SCNN1B: variants seen among roughly 807,000 people sequenced by gnomAD.
SCNN1B encodes sodium channel epithelial 1 subunit beta, also known as epithelial sodium channel subunit beta.
A neutral mutation model predicts 65.3 loss-of-function variants in SCNN1B; 46 were observed. The ratio of observed to expected loss-of-function variants is 0.70; its 90% CI spans 0.56 to 0.90. The LOEUF (loss-of-function observed/expected upper bound fraction) is 0.90, where lower values mean the gene tolerates loss of function less well. SCNN1B is among the 40% of genes least tolerant of loss of function. The pLI is 0.00. For missense variants in SCNN1B, 751 were observed against 830.5 expected (o/e 0.90, Z 1.18); for synonymous variants, 349 against 330.6 (o/e 1.06, Z -0.60).
intron 4 of SCNN1B, among the ~76,000 whole-genome samples, chr16:23,365,014 T>C (rs1347853636): frequency 6.6e-6 from 1 of 151,924 alleles, no homozygotes; most frequent in East Asian, 1.9e-4. Flanking sequence ...TAATCCCAGC[T>C]ACTCGGGAGG....
intron 1 of SCNN1B, among the ~76,000 whole-genome samples, chr16:23,335,020 C>T (rs528006795): frequency 5.3e-5 from 8 of 152,278 alleles, no homozygotes; most frequent in Non-Finnish European, 8.8e-5. Flanking sequence ...ATTTTAATTG[C>T]TCTTTTCAAT....
chr16:23,289,528 G>C (rs911941587), intron 2 of SCNN1B, among the ~76,000 whole-genome samples: 1 of 151,556 alleles, frequency 6.6e-6, no homozygotes. Context: ...TCTAGCCTTA[G>C]TGACAGCTTG....
intron 4 of SCNN1B, among the ~76,000 whole-genome samples, chr16:23,361,041 G>A (rs138398812): frequency 8.6e-4 from 131 of 152,102 alleles, no homozygotes; most frequent in African/African-American, 2.9e-3. Flanking sequence ...TGATCCACCC[G>A]CCTCAGCCTT....
At chr16:23,372,521 G>A (rs543451403) in intron 7 of SCNN1B, among the ~76,000 whole-genome samples, 5 of 147,370 alleles carry the variant, frequency 3.4e-5, no homozygotes, top group African/African-American at 1.3e-4. Flanking sequence ...TTGAGATGGA[G>A]TCTCACTCTG....
upstream of SCNN1B, among the ~76,000 whole-genome samples, chr16:23,300,759 G>T (rs1961064011): frequency 6.6e-6 from 1 of 152,126 alleles, no homozygotes; most frequent in Non-Finnish European, 1.5e-5. Flanking sequence ...TTGAGCCCAA[G>T]AGTTTGAGGC....
intron 2 of SCNN1B, among the ~76,000 whole-genome samples, chr16:23,295,114 C>T (rs1231221657): frequency 6.6e-6 from 1 of 152,200 alleles, no homozygotes; most frequent in Non-Finnish European, 1.5e-5. Context: ...TTGTCTGTCT[C>T]CTCTCACTAG....
At chr16:23,284,914 T>C (rs1960829724) in intron 2 of SCNN1B, among the ~76,000 whole-genome samples, 1 of 152,198 alleles carries the variant, frequency 6.6e-6, no homozygotes, top group Admixed American at 6.5e-5. Flanking sequence ...TGGGGCATCT[T>C]GTTGGGCTGG....
chr16:23,380,670 A>C lies in SCNN1B; in HGVS notation c.1792A>C (p.Ser598Arg), dbSNP rs1281863419. The C allele has an allele frequency of 6.2e-7, 1 of 1,612,378 alleles. No homozygotes were observed. Among genetic ancestry groups the C allele is most frequent in the African/African-American group, 1.3e-5 (1 of 74,972 alleles). ...FGFQPDTAPR[S>R]PNTGPYPSEQ... ...CTTCCAGCCTGACACGGCCCCCCGC[A>C]GCCCCAACACTGGGCCCTACCCCAG... Residue 598 changes from serine to arginine, a missense_variant, in exon 13 of 13, where the codon AGC (serine) becomes CGC (arginine). Transcript: ENST00000343070. This position sits in a 1 kb window ranked among gnomAD's most constrained non-coding sequence, Gnocchi z 5.4.
intron 4 of SCNN1B, among the ~76,000 whole-genome samples, chr16:23,360,789 G>C (rs185150): frequency 6.6e-6 from 1 of 150,440 alleles, no homozygotes; most frequent in Admixed American, 6.6e-5. Flanking sequence ...TTTGGTTTTT[G>C]GTTTTGTTTT....
intron 1 of SCNN1B, among the ~76,000 whole-genome samples, chr16:23,343,587 G>GAA (rs1226020743): frequency 2.4e-5 from 1 of 42,266 alleles, no homozygotes; most frequent in Non-Finnish European, 5.0e-5. Context: ...AAAAGAGAAA[G>GAA]AAAGAAAGAA....
chr16:23,340,720 T>A (rs1319817741), intron 1 of SCNN1B, among the ~76,000 whole-genome samples: 1 of 152,168 alleles, frequency 6.6e-6, no homozygotes, highest in Non-Finnish European at 1.5e-5. Flanking sequence ...TTCATTGAAC[T>A]ACCTTGGCAA....
chr16:23,379,173 C>G (rs1021721204), intron 11 of SCNN1B, among the ~76,000 whole-genome samples: 1 of 149,340 alleles, frequency 6.7e-6, no homozygotes, highest in Non-Finnish European at 1.5e-5. Flanking sequence ...ACGCAGCCAG[C>G]CATCCTCCAC....
intron 1 of SCNN1B, among the ~76,000 whole-genome samples, chr16:23,329,797 G>C (rs1006109040): frequency 6.6e-6 from 1 of 152,142 alleles, no homozygotes; most frequent in South Asian, 2.1e-4. Context: ...CTAACCAGGC[G>C]ATAGAAGGCT....
At chr16:23,373,277 C>T (rs1484490286) in intron 7 of SCNN1B, among the ~76,000 whole-genome samples, 1 of 152,158 alleles carries the variant, frequency 6.6e-6, no homozygotes, top group Non-Finnish European at 1.5e-5. Flanking sequence ...AGCCACTGTC[C>T]CTGGCTAATT....
chr16:23,375,663 C>T (rs1173748124), intron 7 of SCNN1B, 75 bp from the exon 8 acceptor site: 10 of 1,053,890 alleles, frequency 9.5e-6, no homozygotes, highest in East Asian at 4.7e-5. Flanking sequence ...CTTCTCTGGA[C>T]ACCCCTGGTG....
chr16:23,375,936 A>G, intron 8 of SCNN1B, 81 bp downstream of exon 8: 1 of 994,984 alleles, frequency 1.0e-6, no homozygotes, highest in South Asian at 1.3e-5. Context: ...GGCAGAGCTC[A>G]GTGCCCTCAG....
Position 23,380,610 on chromosome 16 carries a change from G to A in SCNN1B, c.1732G>A (p.Val578Met), listed in dbSNP as rs745885983. The change falls in exon 13 of 13, where the codon GTG becomes ATG. Residue 578 changes from valine to methionine, a missense_variant. Physicochemically the swap from Val to Met is conservative, Grantham distance 21 (BLOSUM62 1). Coordinates refer to ENST00000343070, the MANE Select transcript of SCNN1B (RefSeq NM_000336.3). The surrounding 1 kb of genome is among the most constrained non-coding windows in gnomAD (Gnocchi z 5.4). ...QASYAGPPPT[V>M]AELVEAHTNF... is the part of the protein sequence containing the mutation. ...CAGCTACGCTGGCCCACCGCCCACCGTGGCCGAGCTGGTGGAGGCCCACAC... is the reference window on the plus strand; with the variant it reads ...CAGCTACGCTGGCCCACCGCCCACCATGGCCGAGCTGGTGGAGGCCCACAC... The A allele has an allele frequency of 5.8e-5, 94 of 1,613,776 alleles. No homozygotes were observed. The highest frequency in any genetic ancestry group is 1.6e-4 in the Middle Eastern group (1 of 6,068).
intron 4 of SCNN1B, among the ~76,000 whole-genome samples, chr16:23,364,424 G>GAGTGTTTCCA (rs1274822398): frequency 6.6e-6 from 1 of 152,314 alleles, no homozygotes; most frequent in East Asian, 1.9e-4. Context: ...GAAACATCTA[G>GAGTGTTTCCA]AGTGTCGCTG....
At chr16:23,286,340 C>A (rs1470058073) in intron 2 of SCNN1B, among the ~76,000 whole-genome samples, 3 of 152,228 alleles carry the variant, frequency 2.0e-5, no homozygotes, top group African/African-American at 7.2e-5. Context: ...TATTTAACCT[C>A]CGCCTCCTGG....
Sources: allele counts gnomAD v4.1 joint callset (sites outside exome capture counted in the v4.1 genomes callset), GRCh38; gene constraint gnomAD v4.1.1; non-coding constraint Gnocchi (gnomAD v3.1); transcripts MANE v1.5; gene names NCBI Gene and HGNC (gene_info 2026-07-23, HGNC 2026-07-21).